Variants in CDH13 observed in about 807,000 individuals in gnomAD.
The protein encoded by CDH13 is cadherin 13.
In CDH13, 24 loss-of-function variants were observed where a neutral mutation model predicts 63.8. That is an observed-to-expected ratio of 0.38 (90% CI 0.27 to 0.53). The LOEUF is 0.53. CDH13 is among the 20% of genes least tolerant of loss of function. CDH13 has a pLI of 0.85. For missense variants in CDH13, 1,049 were observed against 903.1 expected (o/e 1.16, Z -2.07); for synonymous variants, 503 against 355.3 (o/e 1.42, Z -4.67).
At chr16:83,461,018 C>CACACACAG (rs1301158126) in intron 6 of CDH13, among the ~76,000 whole-genome samples, 1 of 151,140 alleles carries the variant, frequency 6.6e-6, no homozygotes, top group East Asian at 1.9e-4. Flanking sequence ...CACACACACA[C>CACACACAG]ACAGAACAAA....
At chr16:83,075,318 G>T (rs113428471) in intron 3 of CDH13, among the ~76,000 whole-genome samples, 6,895 of 152,248 alleles carry the variant, frequency 0.045, 197 homozygotes, top group South Asian at 0.1. Context: ...ATGTGGCCCC[G>T]TGAAGATGAA....
chr16:83,334,840 G>C (rs13337664), intron 5 of CDH13, among the ~76,000 whole-genome samples: 59,291 of 151,762 alleles, frequency 0.39, 11,921 homozygotes, highest in Admixed American at 0.46. Flanking sequence ...TGTAGATAGA[G>C]TACTCTTACC....
At chr16:83,173,792 G>A (rs546498685) in intron 4 of CDH13, among the ~76,000 whole-genome samples, 2 of 152,128 alleles carry the variant, frequency 1.3e-5, no homozygotes, top group East Asian at 3.9e-4. Context: ...CCAAACTGAG[G>A]TTGTACCCTT....
At chr16:83,695,330 T>G (rs1467106383) in intron 10 of CDH13, among the ~76,000 whole-genome samples, 8 of 152,250 alleles carry the variant, frequency 5.3e-5, no homozygotes, top group Admixed American at 5.2e-4. Context: ...GGCGCTGCTG[T>G]GCGCAAGCTC....
chr16:83,505,679 G>C (rs1196344361), intron 7 of CDH13, among the ~76,000 whole-genome samples: 1 of 151,808 alleles, frequency 6.6e-6, no homozygotes, highest in Non-Finnish European at 1.5e-5. Context: ...GAGTAGCTGG[G>C]ATTACAGGCA....
At chr16:83,583,300 G>C (rs913058250) in intron 7 of CDH13, among the ~76,000 whole-genome samples, 1 of 152,056 alleles carries the variant, frequency 6.6e-6, no homozygotes, top group African/African-American at 2.4e-5. Context: ...GATCACATTC[G>C]CAGGTACTGG....
chr16:83,199,011 A>G (rs1176480539), intron 4 of CDH13, among the ~76,000 whole-genome samples: 1 of 152,198 alleles, frequency 6.6e-6, no homozygotes, highest in African/African-American at 2.4e-5. Flanking sequence ...TGATAAGCTT[A>G]TAACAACTAG....
At chr16:82,939,612 T>C (rs2042772501) in intron 2 of CDH13, among the ~76,000 whole-genome samples, 2 of 151,856 alleles carry the variant, frequency 1.3e-5, no homozygotes, top group Admixed American at 1.3e-4. Context: ...CTGAAGCAAA[T>C]GTAAAAATTG....
At chr16:83,730,260 T>C (rs938479443) in intron 10 of CDH13, among the ~76,000 whole-genome samples, 2 of 152,170 alleles carry the variant, frequency 1.3e-5, no homozygotes, top group African/African-American at 4.8e-5. Flanking sequence ...TCTCAGATCT[T>C]CACAATGCAA....
intron 2 of CDH13, among the ~76,000 whole-genome samples, chr16:82,908,577 AAAC>A (rs1391274685): frequency 6.6e-6 from 1 of 152,172 alleles, no homozygotes; most frequent in Non-Finnish European, 1.5e-5. Context: ...TAGTTCAGAA[AAAC>A]AGATATTCCC....
chr16:83,696,845 C>G (rs1480969645), intron 10 of CDH13, among the ~76,000 whole-genome samples: 2 of 152,150 alleles, frequency 1.3e-5, no homozygotes, highest in Admixed American at 1.3e-4. Context: ...TCCTCTTAAA[C>G]TGAAGCTCAG....
At chr16:82,748,270 C>T (rs74671947) in intron 1 of CDH13, among the ~76,000 whole-genome samples, 1 of 152,302 alleles carries the variant, frequency 6.6e-6, no homozygotes, top group East Asian at 1.9e-4. Flanking sequence ...TATTGCAACT[C>T]AATTCATGTT....
chr16:82,683,071 C>T (rs1914715010), intron 1 of CDH13, among the ~76,000 whole-genome samples: 1 of 152,170 alleles, frequency 6.6e-6, no homozygotes, highest in Non-Finnish European at 1.5e-5. Flanking sequence ...TTAGTGTTCT[C>T]AGCTTAAAAC....
intron 6 of CDH13, among the ~76,000 whole-genome samples, chr16:83,370,490 G>A (rs188046627): frequency 1.1e-4 from 16 of 150,332 alleles, no homozygotes; most frequent in Admixed American, 3.3e-4. Context: ...TTTAGGTTCA[G>A]GGGTACATGT....
At chr16:83,325,484 C>A (rs2090339534) in intron 5 of CDH13, among the ~76,000 whole-genome samples, 1 of 152,138 alleles carries the variant, frequency 6.6e-6, no homozygotes, top group Non-Finnish European at 1.5e-5. Context: ...TACTTTAGGC[C>A]TTGCGAGTCA....
chr16:82,793,578 C>T (rs1406352131), intron 1 of CDH13, among the ~76,000 whole-genome samples: 1 of 152,108 alleles, frequency 6.6e-6, no homozygotes, highest in Non-Finnish European at 1.5e-5. Context: ...CTTGGTGAAC[C>T]CCTGCTGGGC....
intron 6 of CDH13, among the ~76,000 whole-genome samples, chr16:83,435,259 G>C (rs1463766692): frequency 6.6e-6 from 1 of 152,072 alleles, no homozygotes; most frequent in Non-Finnish European, 1.5e-5. Flanking sequence ...GGCCAGGCTT[G>C]TCTCAAACTC....
At chr16:83,498,838 T>C (rs994059769) in intron 7 of CDH13, among the ~76,000 whole-genome samples, 5 of 152,250 alleles carry the variant, frequency 3.3e-5, no homozygotes, top group African/African-American at 1.2e-4. Flanking sequence ...TAGGCTTCAG[T>C]GCCGCATTAT....
At chr16:82,723,398 G>T (rs2032899995) in intron 1 of CDH13, among the ~76,000 whole-genome samples, 1 of 152,104 alleles carries the variant, frequency 6.6e-6, no homozygotes, top group African/African-American at 2.4e-5. Flanking sequence ...TTTGTCTTGG[G>T]AACATAGCTA....
Sources: gnomAD v4.1 joint callset for allele counts (sites outside exome capture counted in the v4.1 genomes callset) on GRCh38, gnomAD v4.1.1 for gene constraint, MANE v1.5 for transcripts, NCBI Gene and HGNC (gene_info 2026-07-23, HGNC 2026-07-21) for gene names.